Variants in FSTL4 observed in about 807,000 individuals in gnomAD.
The protein encoded by FSTL4 is follistatin like 4, also known as follistatin-related protein 4.
A neutral mutation model predicts 78.2 loss-of-function variants in FSTL4; 28 were observed. The observed-to-expected ratio is 0.36, with a 90% CI of 0.27 to 0.49. The LOEUF (loss-of-function observed/expected upper bound fraction) is 0.49, where lower values mean the gene tolerates loss of function less well. Among genes scored for constraint, FSTL4 ranks in the 20% least tolerant of loss-of-function variants. The pLI, the probability that FSTL4 is intolerant of heterozygous loss-of-function variation, is 0.98. For missense variants in FSTL4, 922 were observed against 1,084.9 expected (o/e 0.85, Z 2.11); for synonymous variants, 422 against 440.5 (o/e 0.96, Z 0.53).
chr5:133,711,882 G>A, the FSTL4 span, among the ~76,000 whole-genome samples: 1 of 152,196 alleles, frequency 6.6e-6, no homozygotes, highest in African/African-American at 2.4e-5. Flanking sequence ...GTGCTGCCAT[G>A]TGCTGGGCTC....
chr5:133,337,344 G>C (rs1194143286), intron 4 of FSTL4, among the ~76,000 whole-genome samples: 1 of 147,800 alleles, frequency 6.8e-6, no homozygotes. Context: ...CTCTGCAACG[G>C]ACTCTTGCCC....
intron 13 of FSTL4, among the ~76,000 whole-genome samples, chr5:133,213,066 A>C: frequency 1.5e-5 from 1 of 67,782 alleles, no homozygotes; most frequent in Admixed American, 1.9e-4. Flanking sequence ...AGGCTGGTGC[A>C]ATCTTGGCTC....
chr5:133,578,068 A>G (rs1490632168), intron 2 of FSTL4, among the ~76,000 whole-genome samples: 1 of 152,248 alleles, frequency 6.6e-6, no homozygotes, highest in Non-Finnish European at 1.5e-5. Flanking sequence ...TGGGAAGTCT[A>G]AAATAACTAA....
chr5:133,558,609 A>C (rs1759847182), intron 3 of FSTL4, among the ~76,000 whole-genome samples: 1 of 152,076 alleles, frequency 6.6e-6, no homozygotes, highest in African/African-American at 2.4e-5. Flanking sequence ...AGCAACATTC[A>C]ACATTTTGTG....
At position 133,256,835 on chromosome 5, in the gene FSTL4, T is replaced by C. The variant is rs141024392; in HGVS notation, c.728-7259A>G. ...TCTTCCTGCCATTGTCATTCCCTCTTGCTTGCTTCATTTTGGGGATGGCAA... is the reference window on the plus strand; with the variant it reads ...TCTTCCTGCCATTGTCATTCCCTCTCGCTTGCTTCATTTTGGGGATGGCAA... On this transcript the variant is annotated intron_variant, in intron 6 of 15. Coordinates refer to ENST00000265342, the MANE Select transcript of FSTL4 (RefSeq NM_015082.2). Among the ~76,000 whole-genome samples, 868 of 152,354 alleles carry C rather than the reference T, an allele frequency of 5.7e-3. 7 individuals carry two copies. Among genetic ancestry groups the C allele is most frequent in the Middle Eastern group, 0.01 (3 of 294 alleles).
intron 3 of FSTL4, among the ~76,000 whole-genome samples, chr5:133,555,584 T>C (rs764036607): frequency 6.6e-6 from 1 of 152,226 alleles, no homozygotes; most frequent in Non-Finnish European, 1.5e-5. Context: ...ACTATTTGAA[T>C]GTAAGGTATT....
At chr5:133,752,368 C>G in the FSTL4 span, among the ~76,000 whole-genome samples, 4 of 152,118 alleles carry the variant, frequency 2.6e-5, no homozygotes, top group African/African-American at 4.8e-5. Flanking sequence ...ATAGGTTTTC[C>G]CAGTAACTGC....
At chr5:133,628,201 G>T in the FSTL4 span, among the ~76,000 whole-genome samples, 1 of 152,050 alleles carries the variant, frequency 6.6e-6, no homozygotes, top group Non-Finnish European at 1.5e-5. Context: ...ACAATTAAAA[G>T]AATTAGAGAA....
At chr5:133,516,514 G>A (rs142630949) in intron 3 of FSTL4, among the ~76,000 whole-genome samples, 3 of 152,262 alleles carry the variant, frequency 2.0e-5, no homozygotes, top group African/African-American at 4.8e-5. Context: ...TTGAGTAAAC[G>A]GAGAGACTCT....
chr5:133,694,448 T>A, the FSTL4 span, among the ~76,000 whole-genome samples: 2 of 152,280 alleles, frequency 1.3e-5, no homozygotes, highest in Non-Finnish European at 2.9e-5. Context: ...GCATGCGCTA[T>A]GTGCCAAGCA....
At chr5:133,273,820 A>G (rs775970707) in intron 6 of FSTL4, among the ~76,000 whole-genome samples, 2 of 152,106 alleles carry the variant, frequency 1.3e-5, no homozygotes, top group Non-Finnish European at 2.9e-5. Flanking sequence ...GGGAGGGTCC[A>G]TATCCGCCTC....
At chr5:133,823,348 T>C in the FSTL4 span, among the ~76,000 whole-genome samples, 1 of 152,166 alleles carries the variant, frequency 6.6e-6, no homozygotes, top group Admixed American at 6.5e-5. Flanking sequence ...GGAAAGGACT[T>C]CAGCACAGCC....
the FSTL4 span, among the ~76,000 whole-genome samples, chr5:133,785,304 C>T: frequency 3.9e-5 from 6 of 152,116 alleles, no homozygotes; most frequent in Non-Finnish European, 8.8e-5. Context: ...TAGAAACATG[C>T]CCTAATTCAA....
the FSTL4 span, among the ~76,000 whole-genome samples, chr5:133,646,038 A>G: frequency 1.3e-5 from 2 of 152,216 alleles, no homozygotes; most frequent in African/African-American, 2.4e-5. Context: ...GTCATGATCA[A>G]GAAAGACATG....
At chr5:133,301,553 A>G (rs367999739) in intron 6 of FSTL4, among the ~76,000 whole-genome samples, 1 of 152,110 alleles carries the variant, frequency 6.6e-6, no homozygotes, top group East Asian at 1.9e-4. Flanking sequence ...GCCGCTCCAT[A>G]CACTGCCCAT....
At chr5:133,221,918 T>TTTGTTTTG (rs1554097236) in intron 11 of FSTL4, among the ~76,000 whole-genome samples, 15 of 132,392 alleles carry the variant, frequency 1.1e-4, no homozygotes, top group East Asian at 4.1e-4. Flanking sequence ...TTTTTTTTTT[T>TTTGTTTTG]TTTTTTTTTA....
chr5:133,341,393 G>T (rs1035298772), intron 4 of FSTL4, among the ~76,000 whole-genome samples: 2 of 152,128 alleles, frequency 1.3e-5, no homozygotes, highest in African/African-American at 4.8e-5. Flanking sequence ...CCCACAGGAC[G>T]TGAGTTGGGC....
intron 4 of FSTL4, among the ~76,000 whole-genome samples, chr5:133,383,804 G>A (rs983058699): frequency 2.6e-5 from 4 of 152,130 alleles, no homozygotes; most frequent in Admixed American, 1.3e-4. Flanking sequence ...TGGTCGAGGC[G>A]TGCATTTCTC....
chr5:133,596,187 A>G (rs1760734029), intron 2 of FSTL4, among the ~76,000 whole-genome samples: 1 of 151,902 alleles, frequency 6.6e-6, no homozygotes, highest in Non-Finnish European at 1.5e-5. Flanking sequence ...GCAGGCCACC[A>G]GAAGCACTGA....
Sources: allele counts gnomAD v4.1 joint callset (sites outside exome capture counted in the v4.1 genomes callset), GRCh38; gene constraint gnomAD v4.1.1; transcripts MANE v1.5; gene names NCBI Gene and HGNC (gene_info 2026-07-23, HGNC 2026-07-21).